TOX: variants seen among roughly 807,000 people sequenced by gnomAD.
TOX encodes thymocyte selection-associated high mobility group box protein TOX.
Under a neutral mutation model 53.7 loss-of-function variants are expected in TOX, and 11 were observed. The ratio of observed to expected loss-of-function variants is 0.20; its 90% confidence interval spans 0.13 to 0.34. The LOEUF (loss-of-function observed/expected upper bound fraction) is 0.34, where lower values mean the gene tolerates loss of function less well. TOX is among the 10% of genes least tolerant of loss of function. TOX has a pLI of 1.00. For missense variants in TOX, 570 were observed against 664.6 expected (o/e 0.86, Z 1.56); for synonymous variants, 225 against 245.3 (o/e 0.92, Z 0.77).
intron 3 of TOX, among the ~76,000 whole-genome samples, chr8:58,905,855 G>A (rs1585892683): frequency 6.6e-6 from 1 of 152,152 alleles, no homozygotes; most frequent in East Asian, 1.9e-4. Flanking sequence ...TGTTCTTTAT[G>A]AAGATCGGCG....
intron 5 of TOX, among the ~76,000 whole-genome samples, chr8:58,827,994 G>T (rs1341343011): frequency 1.3e-5 from 2 of 152,140 alleles, no homozygotes; most frequent in African/African-American, 4.8e-5. Flanking sequence ...AGGGCATAAG[G>T]CTTGGCTAAT....
chr8:58,980,169 C>T (rs971990720), intron 1 of TOX, among the ~76,000 whole-genome samples: 1 of 152,136 alleles, frequency 6.6e-6, no homozygotes, highest in African/African-American at 2.4e-5. Context: ...AAATCAATAG[C>T]ATTAGCTTCT....
chr8:58,923,224 G>A (rs1252622427), intron 3 of TOX, among the ~76,000 whole-genome samples: 3 of 152,166 alleles, frequency 2.0e-5, no homozygotes, highest in African/African-American at 4.8e-5. Context: ...GTCAGGAGGC[G>A]AGGCCAGTTA....
chr8:58,946,517 A>T (rs1812524607), intron 2 of TOX, among the ~76,000 whole-genome samples: 1 of 152,202 alleles, frequency 6.6e-6, no homozygotes, highest in South Asian at 2.1e-4. Context: ...GCTCAGCAAG[A>T]ATTGTCCAAC....
intron 3 of TOX, among the ~76,000 whole-genome samples, chr8:58,898,041 T>C (rs1356536708): frequency 1.3e-5 from 2 of 152,190 alleles, no homozygotes; most frequent in Admixed American, 1.3e-4. Context: ...GATACAAACA[T>C]AAAAATATTT....
rs568199177 is a variant in TOX at position 58,814,916 on chromosome 8, C to T, written c.1392+422G>A. Among the ~76,000 whole-genome samples the T allele has an allele frequency of 5.3e-5, 8 of 152,308 alleles. No homozygotes were observed. In the South Asian group the frequency reaches 1.4e-3, roughly 28 times the overall value. ...GCATTTATTGGACTCAAGAGGCATA[C>T]CAGTCAAGACTTTCTCATCTCCAAA... On this transcript the variant is annotated intron_variant, in intron 7 of 8. Coordinates refer to ENST00000361421, the MANE Select transcript of TOX (RefSeq NM_014729.3).
rs756639690 is a variant in TOX at position 58,808,269 on chromosome 8, C to T, written c.1393G>A (p.Gly465Arg). The change falls in exon 8 of 9, where the codon GGA (glycine) becomes AGA (arginine). Residue 465 changes from glycine (G) to arginine (R), a missense_variant and splice_region_variant. Coordinates refer to ENST00000361421, the MANE Select transcript of TOX (RefSeq NM_014729.3). ...TGATAGTCGGGTTGAAGAGTAAATC[C>T]CTGAAAGGGAAAGCAAGTCCGCAAA... ...SALHSPTMQQ[G>R]FTLQPDYQTI... is the part of the protein sequence containing the mutation. The T allele has an allele frequency of 6.2e-7, 1 of 1,601,882 alleles. No individual in the cohort carries two copies. Among genetic ancestry groups the T allele is most frequent in the Non-Finnish European group, 8.5e-7 (1 of 1,176,058 alleles).
intron 3 of TOX, among the ~76,000 whole-genome samples, chr8:58,900,870 C>T (rs10112089): frequency 0.55 from 83,833 of 151,842 alleles, 23,626 homozygotes; most frequent in African/African-American, 0.66. Context: ...AACACTGAGA[C>T]CTTCGTTGAA....
intron 1 of TOX, among the ~76,000 whole-genome samples, chr8:59,072,333 A>G (rs1804211473): frequency 6.6e-6 from 1 of 152,192 alleles, no homozygotes; most frequent in Non-Finnish European, 1.5e-5. Context: ...AAGTCCCCAA[A>G]TATATTGCCT....
At chr8:58,994,413 T>C (rs1240671594) in intron 1 of TOX, among the ~76,000 whole-genome samples, 19 of 134,546 alleles carry the variant, frequency 1.4e-4, no homozygotes, top group African/African-American at 3.8e-4. Flanking sequence ...TGTGTGTGTG[T>C]GTGTGTGCGC....
intron 1 of TOX, among the ~76,000 whole-genome samples, chr8:59,050,724 T>C (rs1326748684): frequency 6.6e-6 from 1 of 152,132 alleles, no homozygotes; most frequent in Non-Finnish European, 1.5e-5. Flanking sequence ...CACCTAACAT[T>C]TGGTGTGTGT....
rs7839619 is a variant in TOX at position 58,960,329 on chromosome 8, C to T, written c.103-321G>A. 6.7e-3 allele frequency among the ~76,000 whole-genome samples: 1,025 copies of T among 152,192 alleles called. 6 individuals carry two copies. The highest frequency in any genetic ancestry group is 0.024 in the African/African-American group (981 of 41,508). The stretch of plus-strand genomic sequence containing the variant: ...TGGCTCATTTTGCACGCCATGTATA[C>T]ATATTGCAGTTCAGTTGTAATGAAG... On this transcript the variant is annotated intron_variant, in intron 1 of 8. Coordinates refer to ENST00000361421, the MANE Select transcript of TOX (RefSeq NM_014729.3).
At chr8:59,106,885 A>C (rs1258346991) in intron 1 of TOX, among the ~76,000 whole-genome samples, 3 of 152,186 alleles carry the variant, frequency 2.0e-5, no homozygotes, top group Non-Finnish European at 4.4e-5. Context: ...TTTCATTAAA[A>C]ATGAAAATGT....
intron 3 of TOX, among the ~76,000 whole-genome samples, chr8:58,920,905 A>G (rs1194670925): frequency 6.6e-6 from 1 of 152,070 alleles, no homozygotes; most frequent in African/African-American, 2.4e-5. Flanking sequence ...TATTTAAAGT[A>G]TCTGATATTC....
chr8:58,899,700 T>G (rs568181095), intron 3 of TOX, among the ~76,000 whole-genome samples: 1 of 152,220 alleles, frequency 6.6e-6, no homozygotes, highest in Non-Finnish European at 1.5e-5. Flanking sequence ...TGAAACTTTT[T>G]GAGTGCTGAA....
chr8:58,933,461 T>C (rs1362864927), intron 3 of TOX, among the ~76,000 whole-genome samples: 1 of 152,070 alleles, frequency 6.6e-6, no homozygotes, highest in Admixed American at 6.6e-5. Flanking sequence ...GAAAACACTA[T>C]CCATCCACAC....
chr8:59,086,481 C>G (rs1804511889), intron 1 of TOX, among the ~76,000 whole-genome samples: 1 of 152,144 alleles, frequency 6.6e-6, no homozygotes, highest in Non-Finnish European at 1.5e-5. Context: ...CTCCCATCAT[C>G]AGTATATAAA....
rs1235425697 is a variant in TOX at position 59,117,125 on chromosome 8, G to GTTC, written c.102+1758_102+1760dup. On this transcript the variant is annotated intron_variant, in intron 1 of 8. Coordinates refer to ENST00000361421, the MANE Select transcript of TOX (RefSeq NM_014729.3). The surrounding 1 kb of genome is among the most constrained non-coding windows in gnomAD (Gnocchi z 4.6). ...TTTGTCCAGTCTCATTGCCAAAATA[G>GTTC]TTCTGAGCTTTTGGTTCCGGTAACT... Among the ~76,000 whole-genome samples, 2 of 152,156 alleles carry GTTC rather than the reference G, an allele frequency of 1.3e-5. No homozygotes were observed. The highest frequency in any genetic ancestry group is 4.8e-5 in the African/African-American group (2 of 41,440).
chr8:59,056,477 A>G (rs1350849680), intron 1 of TOX, among the ~76,000 whole-genome samples: 1 of 151,584 alleles, frequency 6.6e-6, no homozygotes, highest in Non-Finnish European at 1.5e-5. Context: ...GAAAAGAAAA[A>G]AAAGAATTAT....
Sources: gnomAD v4.1 joint callset for allele counts (sites outside exome capture counted in the v4.1 genomes callset) on GRCh38, gnomAD v4.1.1 for gene constraint, Gnocchi (gnomAD v3.1) non-coding constraint, MANE v1.5 for transcripts, NCBI Gene and HGNC (gene_info 2026-07-23, HGNC 2026-07-21) for gene names.